Variants in RTKN2 observed in about 807,000 individuals in gnomAD.
RTKN2 encodes the protein rhotekin-2.
RTKN2 carries 69 observed loss-of-function variants against 71.5 expected under a neutral mutation model. That is an observed-to-expected ratio of 0.96 (90% confidence interval 0.79 to 1.18). RTKN2 has a LOEUF of 1.18. Among genes scored for constraint, RTKN2 ranks in the 50% most tolerant of loss-of-function variants. RTKN2 has a pLI of 0.00. For missense variants in RTKN2, 724 were observed against 719.7 expected, an observed-to-expected ratio of 1.01 and a Z score of -0.07; for synonymous variants, 236 against 236.5, an observed-to-expected ratio of 1.00 and a Z score of 0.02.
At position 62,256,313 on chromosome 10, in the gene RTKN2, A is replaced by G. The variant is rs564467192; in HGVS notation, c.257+6312T>C. Among the ~76,000 whole-genome samples the G allele has an allele frequency of 2.0e-5, 3 of 152,272 alleles. No individual in the cohort carries two copies. The East Asian group carries it at 5.8e-4, about 29-fold the overall frequency. On this transcript the variant is annotated intron_variant, in intron 2 of 11. Coordinates refer to ENST00000373789, the MANE Select transcript of RTKN2 (RefSeq NM_145307.4). ...CTTGGGATTACAGGCGTGAGCCACC[A>G]TTCCTTGCCGAGGCTCTTCTAAGTA...
intron 5 of RTKN2, chr10:62,238,408 A>C (rs770563839): frequency 2.0e-5 from 3 of 151,858 alleles, no homozygotes; most frequent in South Asian, 2.1e-4. Flanking sequence ...AGTAACTTCT[A>C]TTGTTCTTTC....
At position 62,198,454 on chromosome 10, in the gene RTKN2, T is replaced by G. The variant is rs1564498025; in HGVS notation, c.1295-11A>C. The G allele has an allele frequency of 1.4e-6, 2 of 1,429,120 alleles. No homozygotes were observed. The highest frequency in any genetic ancestry group is 1.8e-4 in the Middle Eastern group (1 of 5,440). 88.5% of individuals were successfully genotyped at this position (1,429,120 alleles called of 1,614,324 possible). ...TAGGTGAATCAATGCCTATAATAAT[T>G]TTAAGAAAAAAAAACATGAAAAAAT... On this transcript the variant is annotated splice_polypyrimidine_tract_variant and intron_variant, in intron 11 of 11. Coordinates refer to ENST00000373789, the MANE Select transcript of RTKN2 (RefSeq NM_145307.4).
chr10:62,189,742 C>T (rs1389933277), downstream of RTKN2, among the ~76,000 whole-genome samples: 4 of 152,048 alleles, frequency 2.6e-5, no homozygotes, highest in Admixed American at 1.3e-4. Flanking sequence ...AGGAGAATGG[C>T]TTGAACCTGG....
At chr10:62,234,146 T>C (rs10821968) in intron 6 of RTKN2, among the ~76,000 whole-genome samples, 77,336 of 152,014 alleles carry the variant, frequency 0.51, 21,805 homozygotes, top group East Asian at 0.89. Context: ...TCAAAGGATG[T>C]AGAAGTCAGC....
intron 9 of RTKN2, among the ~76,000 whole-genome samples, chr10:62,205,497 T>G (rs1336751149): frequency 6.6e-6 from 1 of 152,170 alleles, no homozygotes; most frequent in Non-Finnish European, 1.5e-5. Flanking sequence ...GTGCTATCAG[T>G]TAAAGCAGTA....
chr10:62,215,161 G>T, intron 9 of RTKN2: 1 of 941,294 alleles, frequency 1.1e-6, no homozygotes, highest in Non-Finnish European at 1.6e-6. Flanking sequence ...TAAAATATAA[G>T]AAAAAAATTA....
At chr10:62,233,282 G>C (rs1842189181) in intron 6 of RTKN2, among the ~76,000 whole-genome samples, 18 of 152,070 alleles carry the variant, frequency 1.2e-4, no homozygotes, top group Admixed American at 1.2e-3. Context: ...ATCTCTTTCT[G>C]CACTAAAACC....
intron 8 of RTKN2, among the ~76,000 whole-genome samples, chr10:62,217,684 T>C (rs1430253703): frequency 2.6e-5 from 4 of 152,214 alleles, no homozygotes; most frequent in Non-Finnish European, 4.4e-5. Context: ...CCTTTAAGAA[T>C]GCAAATTTTC....
intron 6 of RTKN2, among the ~76,000 whole-genome samples, chr10:62,226,073 C>T (rs752254105): frequency 1.3e-5 from 2 of 152,084 alleles, no homozygotes; most frequent in Non-Finnish European, 2.9e-5. Flanking sequence ...TGAGCCACTG[C>T]GCCCGGCAAC....
At chr10:62,216,243 G>C (rs916827664) in intron 9 of RTKN2, among the ~76,000 whole-genome samples, 1 of 151,916 alleles carries the variant, frequency 6.6e-6, no homozygotes, top group African/African-American at 2.4e-5. Context: ...TAATTTCAAA[G>C]ACAAGGAGAA....
chr10:62,214,680 A>G (rs1841730460), intron 9 of RTKN2, among the ~76,000 whole-genome samples: 1 of 151,800 alleles, frequency 6.6e-6, no homozygotes, highest in Non-Finnish European at 1.5e-5. Context: ...TAAATCGTAA[A>G]GTTTCCACAC....
At position 62,197,800 on chromosome 10, in the gene RTKN2, G is replaced by C. The variant is rs1197132127; in HGVS notation, c.*108C>G. On this transcript the variant is annotated 3_prime_UTR_variant, in exon 12 of 12. Transcript: ENST00000373789. ...TATACCTAATAGCTTATTAATTATT[G>C]GTATAAATCACTATATTTACCTATA... is the stretch of plus-strand genomic sequence containing the variant. 7.0e-7 allele frequency: 1 copy of C among 1,428,504 alleles called. No homozygotes were observed. Among genetic ancestry groups the C allele is most frequent in the Non-Finnish European group, 9.2e-7 (1 of 1,087,980 alleles). The allele number at this position is 1,428,504 out of a possible 1,614,324, so 88.5% of individuals were successfully genotyped here. A position where few individuals can be genotyped will look rare whatever the true frequency, so the allele number is the denominator to read the frequency against.
intron 10 of RTKN2, among the ~76,000 whole-genome samples, chr10:62,200,606 T>C (rs1469806530): frequency 6.6e-6 from 1 of 151,746 alleles, no homozygotes; most frequent in Non-Finnish European, 1.5e-5. Context: ...TAGAAGGAAA[T>C]AGAAAAAAAC....
At chr10:62,239,917 C>T (rs1400556373) in intron 4 of RTKN2, 152 bp from the exon 5 acceptor site, 1 of 531,156 alleles carries the variant, frequency 1.9e-6, no homozygotes, top group Non-Finnish European at 3.3e-6. Flanking sequence ...TGACTGTTCT[C>T]CCAGTATATA....
Position 62,197,538 on chromosome 10 carries a change from T to C in RTKN2, c.*370A>G. 1.0e-6 allele frequency: 1 copy of C among 998,776 alleles called. No individual in the cohort carries two copies. The allele number at this position is 998,776 out of a possible 1,614,324, so 61.9% of individuals were successfully genotyped here. A position where few individuals can be genotyped will look rare whatever the true frequency, so the allele number is the denominator to read the frequency against. On this transcript the variant is annotated 3_prime_UTR_variant, in exon 12 of 12. Coordinates refer to ENST00000373789, the MANE Select transcript of RTKN2 (RefSeq NM_145307.4). ...TATTAAAATTCTCACAATGAGAATA[T>C]GGTTCATATTTAACACATTTTAAAT...
In RTKN2 at chr10:62,236,251, C is replaced by T; in HGVS notation, c.501G>A (p.Gly167=). 3.1e-6 allele frequency: 5 copies of T among 1,604,606 alleles called. No individual in the cohort carries two copies. Among genetic ancestry groups the T allele is most frequent in the Non-Finnish European group, 4.3e-6 (5 of 1,174,872 alleles). Residue 167 remains glycine (G), a synonymous_variant, in exon 6 of 12, where the codon GGG becomes GGA. Transcript: ENST00000373789. ...FENVTIFNEA[G]PDFQIKVEVY... ...CTTCCACCTTTATCTGAAAGTCTGG[C>T]CCTGCTTCATTACTAAAAACAAGGG...
Position 62,197,625 on chromosome 10 carries a change from T to C in RTKN2, c.*283A>G. 3 of 1,184,536 alleles carry C rather than the reference T, an allele frequency of 2.5e-6. No individual in the cohort carries two copies. The highest frequency in any genetic ancestry group is 3.1e-6 in the Non-Finnish European group (3 of 956,306). 73.4% of individuals were successfully genotyped at this position (1,184,536 alleles called of 1,614,324 possible). A position where few individuals can be genotyped will look rare whatever the true frequency, so the allele number is the denominator to read the frequency against. ...TTTATTCTGCCTAGGGCTTATTCAC[T>C]GCCTGGTACTAATTCAGGAATAAAT... On this transcript the variant is annotated 3_prime_UTR_variant, in exon 12 of 12. Coordinates refer to ENST00000373789, the MANE Select transcript of RTKN2 (RefSeq NM_145307.4).
intron 9 of RTKN2, among the ~76,000 whole-genome samples, chr10:62,210,502 C>T (rs1288828518): frequency 6.6e-6 from 1 of 152,130 alleles, no homozygotes; most frequent in Non-Finnish European, 1.5e-5. Context: ...ATGCCTCTTT[C>T]TTGGCTGTAA....
At chr10:62,265,964 A>G (rs1842861627) in intron 1 of RTKN2, among the ~76,000 whole-genome samples, 1 of 152,180 alleles carries the variant, frequency 6.6e-6, no homozygotes, top group South Asian at 2.1e-4. Flanking sequence ...CCAAAGACAA[A>G]AGCTGGTCTC....
Sources: allele counts gnomAD v4.1 joint callset (sites outside exome capture counted in the v4.1 genomes callset), GRCh38; gene constraint gnomAD v4.1.1; transcripts MANE v1.5; gene names NCBI Gene and HGNC (gene_info 2026-07-23, HGNC 2026-07-21).